The following ABHD12 variants were observed in gnomAD, a reference collection of about 807,000 sequenced individuals.
ABHD12 encodes the protein lysophosphatidylserine lipase ABHD12.
In ABHD12, 43 loss-of-function variants were observed where a neutral mutation model predicts 58.3. That is an observed-to-expected ratio of 0.74 (90% CI 0.58 to 0.95). The LOEUF is 0.95. ABHD12 is among the 40% of genes least tolerant of loss of function. The probability of loss-of-function intolerance (pLI) is 0.00; values close to 1 mark genes in which losing one functional copy is unlikely to be tolerated. For missense variants in ABHD12, 539 were observed against 537.2 expected (o/e 1.00, Z -0.03); for synonymous variants, 219 against 211.2 (o/e 1.04, Z -0.32).
chr20:25,387,590 T>TAAAAA (rs57449867), intron 1 of ABHD12, among the ~76,000 whole-genome samples: 4 of 113,042 alleles, frequency 3.5e-5, no homozygotes, highest in Admixed American at 1.0e-4. Context: ...TCATCTCTAT[T>TAAAAA]AAAAAAAAAA....
intron 1 of ABHD12, chr20:25,368,686 T>C (rs1286653273): frequency 6.6e-6 from 9 of 1,369,870 alleles, no homozygotes; most frequent in African/African-American, 2.9e-5. Context: ...CTTTGGAATC[T>C]TGTCTGCAAA....
chr20:25,364,304 G>A (rs1456568099), intron 1 of ABHD12, among the ~76,000 whole-genome samples: 2 of 152,226 alleles, frequency 1.3e-5, no homozygotes, highest in African/African-American at 4.8e-5. Flanking sequence ...CTGAGGCTAG[G>A]TAATTTATAA....
chr20:25,312,747 C>A (rs1367528165), intron 6 of ABHD12, among the ~76,000 whole-genome samples: 1 of 150,666 alleles, frequency 6.6e-6, no homozygotes, highest in Non-Finnish European at 1.5e-5. Context: ...CGTCTCTGCC[C>A]GGCCGCCCAT....
intron 1 of ABHD12, 36 bp from the exon 2 acceptor site, chr20:25,339,387 G>A (rs2089424171): frequency 6.2e-7 from 1 of 1,613,674 alleles, no homozygotes; most frequent in Admixed American, 1.7e-5. Context: ...TCAGAAGGCA[G>A]TAGGTGCCAT....
intron 1 of ABHD12, among the ~76,000 whole-genome samples, chr20:25,342,103 C>CAAAAAAAAAAAAAAAAAAAAAAAAAA (rs11476197): frequency 1.4e-5 from 1 of 69,804 alleles, no homozygotes; most frequent in African/African-American, 5.4e-5. Flanking sequence ...AACTCTGTCT[C>CAAAAAAAAAAAAAAAAAAAAAAAAAA]AAAAAAAAAA....
intron 6 of ABHD12, among the ~76,000 whole-genome samples, chr20:25,311,330 G>A (rs1319526077): frequency 1.3e-5 from 2 of 152,168 alleles, no homozygotes; most frequent in African/African-American, 2.4e-5. Context: ...CAGATGACCT[G>A]GGACTCAATC....
downstream of ABHD12, among the ~76,000 whole-genome samples, chr20:25,295,223 C>T (rs2088521918): frequency 1.3e-5 from 2 of 152,244 alleles, no homozygotes; most frequent in African/African-American, 4.8e-5. Flanking sequence ...ATGGAGATGC[C>T]GTTCCCCAGC....
At chr20:25,329,534 G>A (rs1340271974) in intron 2 of ABHD12, among the ~76,000 whole-genome samples, 1 of 152,252 alleles carries the variant, frequency 6.6e-6, no homozygotes, top group Non-Finnish European at 1.5e-5. Context: ...GCACACATGG[G>A]TGCCGTGGAG....
chr20:25,303,359 G>A (rs1328905177), intron 11 of ABHD12, 191 bp downstream of exon 11: 1 of 1,489,712 alleles, frequency 6.7e-7, no homozygotes, highest in Admixed American at 2.0e-5. Context: ...GACCTCCCAT[G>A]TCCTTCCGAA....
intron 1 of ABHD12, among the ~76,000 whole-genome samples, chr20:25,380,265 TTTG>T (rs2090006919): frequency 6.6e-6 from 1 of 152,076 alleles, no homozygotes; most frequent in Admixed American, 6.5e-5. Flanking sequence ...AGTGGTTTCT[TTTG>T]TTGTTTTTTT....
At position 25,382,897 on chromosome 20, in the gene ABHD12, T is replaced by C. The variant is rs367576335; in HGVS notation, c.191+7616A>G. Reference sequence around the variant, plus strand: ...GTCCCTGGCTGGAGTGCAGCATTGATAAGGTACACTGAGTTAGGAAGAGGA... The same window carrying C: ...GTCCCTGGCTGGAGTGCAGCATTGACAAGGTACACTGAGTTAGGAAGAGGA... On this transcript the variant is annotated intron_variant, in intron 1 of 12. Transcript: ENST00000339157. 1.3e-3 allele frequency among the ~76,000 whole-genome samples: 202 copies of C among 152,102 alleles called. 1 individual carries two copies. Among genetic ancestry groups the C allele is most frequent in the African/African-American group, 4.7e-3 (195 of 41,466 alleles).
rs779648431 is a variant in ABHD12 at position 25,348,670 on chromosome 20, C to CG, written c.192-9320dup. ...GTAGCGACAACTCACTCAAATTGTGCGGAAAAAAACTAATTAAACCTTTCT... is the reference window on the plus strand; with the variant it reads ...GTAGCGACAACTCACTCAAATTGTGCGGGAAAAAAACTAATTAAACCTTTCT... On this transcript the variant is annotated intron_variant, in intron 1 of 12. Coordinates refer to ENST00000339157, the MANE Select transcript of ABHD12 (RefSeq NM_001042472.3). Among the ~76,000 whole-genome samples, 47 of 151,930 alleles carry CG rather than the reference C, an allele frequency of 3.1e-4. 1 individual carries two copies. The highest frequency in any genetic ancestry group is 4.3e-4 in the Non-Finnish European group (29 of 67,970).
chr20:25,339,493 C>T, intron 1 of ABHD12, 142 bp from the exon 2 acceptor site: 4 of 1,411,500 alleles, frequency 2.8e-6, no homozygotes, highest in Non-Finnish European at 2.9e-6. Flanking sequence ...TAAAAGTAGC[C>T]TCCCACCTGC....
downstream of ABHD12, among the ~76,000 whole-genome samples, chr20:25,299,405 C>G (rs1053997610): frequency 6.6e-6 from 1 of 151,392 alleles, no homozygotes; most frequent in Non-Finnish European, 1.5e-5. Context: ...CTCAAAAAAA[C>G]AAAAAACCCA....
At chr20:25,363,802 T>G (rs567397191) in intron 1 of ABHD12, among the ~76,000 whole-genome samples, 5 of 151,666 alleles carry the variant, frequency 3.3e-5, no homozygotes, top group African/African-American at 1.2e-4. Flanking sequence ...GAGGCGGAGG[T>G]TGCAGTGAGT....
chr20:25,378,095 C>G (rs2146124462), intron 1 of ABHD12, among the ~76,000 whole-genome samples: 1 of 152,300 alleles, frequency 6.6e-6, no homozygotes, highest in African/African-American at 2.4e-5. Flanking sequence ...AACCATTAAA[C>G]CATCAAGCCA....
At chr20:25,294,946 G>C in exon 13 of ABHD12, 1 of 1,613,702 alleles carries the variant, frequency 6.2e-7, no homozygotes, top group Non-Finnish European at 8.5e-7. Flanking sequence ...GCTGCTCTTC[G>C]ATGACCGTGT....
intron 1 of ABHD12, among the ~76,000 whole-genome samples, chr20:25,384,603 G>A: frequency 6.6e-6 from 1 of 152,078 alleles, no homozygotes; most frequent in Non-Finnish European, 1.5e-5. Flanking sequence ...AAATTAGCTA[G>A]GCATGGTGGT....
chr20:25,300,465 G>A lies in ABHD12; in HGVS notation c.*380C>T. 8.2e-7 allele frequency: 1 copy of A among 1,223,410 alleles called. No individual in the cohort carries two copies. The highest frequency in any genetic ancestry group is 3.4e-4 in the Middle Eastern group (1 of 2,902). The allele number at this position is 1,223,410 out of a possible 1,614,324, so 75.8% of individuals were successfully genotyped here. A position where few individuals can be genotyped will look rare whatever the true frequency, so the allele number is the denominator to read the frequency against. On this transcript the variant is annotated 3_prime_UTR_variant, in exon 13 of 13. Coordinates refer to ENST00000339157, the MANE Select transcript of ABHD12 (RefSeq NM_001042472.3). ...AACCTGGACCCCACGTTCTCTGTGG[G>A]TGGTGCCAAAAAGCTCAGCATGGTC...
Sources: allele counts gnomAD v4.1 joint callset (sites outside exome capture counted in the v4.1 genomes callset), GRCh38; gene constraint gnomAD v4.1.1; transcripts MANE v1.5; gene names NCBI Gene and HGNC (gene_info 2026-07-23, HGNC 2026-07-21).